Variants in TEK observed in about 807,000 individuals in gnomAD.
The protein encoded by TEK is TEK receptor tyrosine kinase.
In TEK, 43 loss-of-function variants were observed where a neutral mutation model predicts 131.8. The ratio of observed to expected loss-of-function variants is 0.33; its 90% CI spans 0.26 to 0.42. The LOEUF is 0.42. TEK is among the 10% of genes least tolerant of loss of function. The probability of loss-of-function intolerance (pLI) is 1.00; values close to 1 mark genes in which losing one functional copy is unlikely to be tolerated. For missense variants in TEK, 1,162 were observed against 1,384.4 expected, an observed-to-expected ratio of 0.84 and a Z score of 2.55; for synonymous variants, 580 against 491.6, an observed-to-expected ratio of 1.18 and a Z score of -2.38.
At chr9:27,192,667 G>C in intron 11 of TEK, 44 bp downstream of exon 11, 1 of 1,587,690 alleles carries the variant, frequency 6.3e-7, no homozygotes, top group Non-Finnish European at 8.6e-7. Flanking sequence ...CTGGGTGGGA[G>C]GGGGAGGAAG....
chr9:27,155,283 T>C (rs1197939569), intron 1 of TEK, among the ~76,000 whole-genome samples: 1 of 152,206 alleles, frequency 6.6e-6, no homozygotes, highest in Non-Finnish European at 1.5e-5. Flanking sequence ...TCGTCGTCTC[T>C]TTCAATGTTT....
intron 1 of TEK, among the ~76,000 whole-genome samples, chr9:27,147,050 C>T (rs535540494): frequency 6.6e-5 from 10 of 152,244 alleles, no homozygotes; most frequent in African/African-American, 2.2e-4. Flanking sequence ...TATGAATGTA[C>T]ATTTTCATTT....
rs555598077 is a variant in TEK at position 27,207,131 on chromosome 9, G to A, written c.2575+339G>A. On this transcript the variant is annotated intron_variant, in intron 15 of 22. Coordinates refer to ENST00000380036, the MANE Select transcript of TEK (RefSeq NM_000459.5). ...TGCATCAGAATCACCTGGAAGGCTT[G>A]TTTAAAAACAGGCTGTTGGGCCCTA... 3.2e-4 allele frequency among the ~76,000 whole-genome samples: 49 copies of A among 152,320 alleles called. No homozygotes were observed. The South Asian group carries it at 7.2e-3, about 23-fold the overall frequency.
chr9:27,186,960 C>G (rs896392205), intron 9 of TEK, among the ~76,000 whole-genome samples: 2 of 152,140 alleles, frequency 1.3e-5, no homozygotes, highest in African/African-American at 2.4e-5. Flanking sequence ...TAGGAAAGAG[C>G]CCAAATCTGT....
intron 6 of TEK, among the ~76,000 whole-genome samples, chr9:27,177,095 G>C (rs1412434594): frequency 2.0e-5 from 3 of 152,128 alleles, no homozygotes; most frequent in Admixed American, 6.6e-5. Flanking sequence ...TTCATCCATG[G>C]ATGGACGAAT....
In TEK at chr9:27,204,942, G is replaced by T. The variant is rs532370688; in HGVS notation, c.2241G>T (p.Leu747=). The T allele has an allele frequency of 6.2e-7, 1 of 1,614,066 alleles. No individual in the cohort carries two copies. Among genetic ancestry groups the T allele is most frequent in the East Asian group, 2.2e-5 (1 of 44,866 alleles). ...APADLGGGKM[L]LIAILGSAGM... is the part of the protein sequence containing the mutation. ...CGGACCTCGGAGGGGGGAAGATGCT[G>T]CTTATAGCCATCCTTGGCTCTGCTG... Residue 747 remains leucine, a synonymous_variant, in exon 14 of 23, where the codon CTG becomes CTT. Coordinates refer to ENST00000380036, the MANE Select transcript of TEK (RefSeq NM_000459.5).
intron 8 of TEK, 42 bp from the exon 9 acceptor site, chr9:27,185,443 C>T (rs1375595651): frequency 1.9e-6 from 3 of 1,612,524 alleles, no homozygotes; most frequent in Admixed American, 1.7e-5. Context: ...TGCGTTTATG[C>T]CTCCCTAGAA....
At chr9:27,170,269 A>T (rs1823902004) in intron 4 of TEK, among the ~76,000 whole-genome samples, 2 of 152,168 alleles carry the variant, frequency 1.3e-5, no homozygotes, top group East Asian at 3.8e-4. Flanking sequence ...ACTACAATTC[A>T]AGATGAGATT....
intron 1 of TEK, among the ~76,000 whole-genome samples, chr9:27,142,522 G>A (rs1822764175): frequency 6.6e-6 from 1 of 152,232 alleles, no homozygotes; most frequent in Non-Finnish European, 1.5e-5. Flanking sequence ...CTGGGCTAAG[G>A]CCATAGCCAC....
chr9:27,109,312 G>C lies in TEK; in HGVS notation c.-279G>C, dbSNP rs1208685654. On this transcript the variant is annotated 5_prime_UTR_variant, in exon 1 of 23. The change abolishes the stop of an existing upstream ORF in the 5' untranslated region. Transcript: ENST00000380036. The stretch of plus-strand genomic sequence containing the variant: ...ATGAATTGCGAGATGGATAGGGCTT[G>C]AGTGCCCCCAGCCCTGCTGATACCA... 1.1e-5 allele frequency: 6 copies of C among 570,576 alleles called. No homozygotes were observed. In the Middle Eastern group the frequency reaches 1.7e-3, roughly 166 times the overall value. The allele number at this position is 570,576 out of a possible 1,614,324, so 35.3% of individuals were successfully genotyped here.
chr9:27,110,181 T>TTA (rs1564029357), intron 1 of TEK, among the ~76,000 whole-genome samples: 1 of 151,782 alleles, frequency 6.6e-6, no homozygotes, highest in Non-Finnish European at 1.5e-5. Flanking sequence ...GCTTTTTTTT[T>TTA]TTTCTTGTAG....
In TEK at chr9:27,164,850, G is replaced by A. The variant is rs151336547; in HGVS notation, c.365-3645G>A. On this transcript the variant is annotated intron_variant, in intron 2 of 22. Transcript: ENST00000380036. Reference sequence around the variant, plus strand: ...CGCCCCCAGGTTGACAATTAAATTTGTGTAAAGTGCTTATAACAGCACTTG... The same window carrying A: ...CGCCCCCAGGTTGACAATTAAATTTATGTAAAGTGCTTATAACAGCACTTG... Among the ~76,000 whole-genome samples the A allele has an allele frequency of 2.9e-3, 446 of 152,268 alleles. 4 individuals are homozygous for A. The highest frequency in any genetic ancestry group is 0.01 in the African/African-American group (422 of 41,558).
At chr9:27,191,601 AAGAG>A (rs996225919) in intron 10 of TEK, among the ~76,000 whole-genome samples, 12 of 151,628 alleles carry the variant, frequency 7.9e-5, no homozygotes, top group African/African-American at 2.7e-4. Flanking sequence ...GAAAAAAAAA[AAGAG>A]AAGAGGAGGA....
rs369682417 is a variant in TEK at position 27,204,693 on chromosome 9, G to GTT, written c.2210-205_2210-204dup. Among the ~76,000 whole-genome samples, 13,762 of 144,084 alleles carry GTT rather than the reference G, an allele frequency of 0.096. 717 individuals are homozygous for GTT. The highest frequency in any genetic ancestry group is 0.11 in the Non-Finnish European group (7,505 of 65,788). The allele number at this position is 144,084 out of a possible 152,430, so 94.5% of individuals were successfully genotyped here. ...GCTAATTGTAACAGCACTTTTGCATGTTTTTTTTTTTTTTAATCTTATTAC... is the reference window on the plus strand; with the variant it reads ...GCTAATTGTAACAGCACTTTTGCATGTTTTTTTTTTTTTTTTAATCTTATTAC... On this transcript the variant is annotated intron_variant, in intron 13 of 22. Coordinates refer to ENST00000380036, the MANE Select transcript of TEK (RefSeq NM_000459.5).
intron 1 of TEK, among the ~76,000 whole-genome samples, chr9:27,133,426 C>G (rs1441704103): frequency 6.6e-6 from 1 of 152,214 alleles, no homozygotes; most frequent in African/African-American, 2.4e-5. Context: ...TTAAGAGCCA[C>G]AGTCGGCTGA....
intron 11 of TEK, chr9:27,195,766 T>C (rs1824983889): frequency 4.7e-5 from 21 of 449,950 alleles, no homozygotes; most frequent in South Asian, 3.3e-4. Context: ...ATCCATTTTC[T>C]CACTTATTAC....
intron 18 of TEK, among the ~76,000 whole-genome samples, chr9:27,214,509 C>T (rs1400964007): frequency 6.6e-6 from 1 of 152,200 alleles, no homozygotes; most frequent in Non-Finnish European, 1.5e-5. Flanking sequence ...TAGCAAGGCT[C>T]AGGTTCCGGC....
intron 17 of TEK, among the ~76,000 whole-genome samples, 193 bp from the exon 18 acceptor site, chr9:27,213,291 T>C (rs541799533): frequency 6.6e-5 from 10 of 152,320 alleles, no homozygotes; most frequent in Admixed American, 4.6e-4. Flanking sequence ...TTTCTGAAAT[T>C]CTTCTGCCAA....
Position 27,109,430 on chromosome 9 carries a change from C to G in TEK, c.-161C>G. 1.3e-6 allele frequency: 1 copy of G among 746,638 alleles called. No homozygotes were observed. Among genetic ancestry groups the G allele is most frequent in the South Asian group, 1.6e-5 (1 of 64,128 alleles). The allele number at this position is 746,638 out of a possible 1,614,324, so 46.3% of individuals were successfully genotyped here. A position where few individuals can be genotyped will look rare whatever the true frequency, so the allele number is the denominator to read the frequency against. On this transcript the variant is annotated 5_prime_UTR_variant, in exon 1 of 23. Coordinates refer to ENST00000380036, the MANE Select transcript of TEK (RefSeq NM_000459.5). ...TCCCTGTGCTCAGACAGAAATGAGA[C>G]TGTTACAGCCTGCTTCTGTGCTGTT...
Sources: allele counts gnomAD v4.1 joint callset (sites outside exome capture counted in the v4.1 genomes callset), GRCh38; gene constraint gnomAD v4.1.1; transcripts MANE v1.5; gene names NCBI Gene and HGNC (gene_info 2026-07-23, HGNC 2026-07-21).